Variants in ZBTB20 observed in about 807,000 individuals in gnomAD.
ZBTB20 encodes zinc finger and BTB domain-containing protein 20.
A neutral mutation model predicts 56.9 loss-of-function variants in ZBTB20; 9 were observed. The observed-to-expected ratio is 0.16, with a 90% CI of 0.10 to 0.28. The LOEUF (loss-of-function observed/expected upper bound fraction) is 0.28, where lower values mean the gene tolerates loss of function less well. ZBTB20 is among the 10% of genes least tolerant of loss of function. ZBTB20 has a pLI of 1.00. For missense variants in ZBTB20, 655 were observed against 1,003.0 expected (o/e 0.65, Z 4.69); for synonymous variants, 417 against 420.7 (o/e 0.99, Z 0.11).
intron 2 of ZBTB20, among the ~76,000 whole-genome samples, chr3:115,062,876 A>T (rs1261925420): frequency 2.0e-5 from 3 of 152,210 alleles, no homozygotes; most frequent in African/African-American, 4.8e-5. Flanking sequence ...TTAAGTATTT[A>T]AAAACTACTT....
intron 4 of ZBTB20, among the ~76,000 whole-genome samples, chr3:114,896,037 G>C (rs1329421950): frequency 6.6e-6 from 1 of 152,108 alleles, no homozygotes; most frequent in Non-Finnish European, 1.5e-5. Context: ...ATTTATTTAA[G>C]GAATTCACAG....
At chr3:114,663,119 T>C (rs1182437320) in intron 6 of ZBTB20, among the ~76,000 whole-genome samples, 2 of 147,574 alleles carry the variant, frequency 1.4e-5, no homozygotes, top group Non-Finnish European at 3.0e-5. Context: ...AAGGAAAAAA[T>C]GTTAAGGGCA....
chr3:114,797,058 T>C (rs1218399323), intron 5 of ZBTB20, among the ~76,000 whole-genome samples: 4 of 151,850 alleles, frequency 2.6e-5, no homozygotes, highest in Non-Finnish European at 5.9e-5. Flanking sequence ...CATTTTCTCA[T>C]ATATAAGGAA....
Position 114,509,915 on chromosome 3 carries a change from G to A in ZBTB20, c.-294-9524C>T, listed in dbSNP as rs2045137979. ...TATTAATGATCCAGGGATCGAGGAT[G>A]TTTTCTATCTGCTCCTTAACCTCCC... On this transcript the variant is annotated intron_variant, in intron 6 of 11. Coordinates refer to ENST00000675478, the MANE Select transcript of ZBTB20 (RefSeq NM_001348800.3). Among the ~76,000 whole-genome samples the A allele has an allele frequency of 2.6e-5, 4 of 152,094 alleles. No homozygotes were observed. The South Asian group carries it at 8.3e-4, about 32-fold the overall frequency.
chr3:114,713,905 A>G (rs1435204352), intron 5 of ZBTB20: 2 of 152,598 alleles, frequency 1.3e-5, no homozygotes, highest in Non-Finnish European at 2.9e-5. Context: ...CATTTGTAAT[A>G]TTTATGCCTC....
intron 6 of ZBTB20, among the ~76,000 whole-genome samples, chr3:114,613,436 C>T (rs1162865181): frequency 2.0e-5 from 3 of 152,078 alleles, no homozygotes; most frequent in Non-Finnish European, 4.4e-5. Context: ...ATCTATAGAC[C>T]TAAACCAGTG....
intron 3 of ZBTB20, among the ~76,000 whole-genome samples, chr3:114,918,409 T>C (rs567887140): frequency 6.6e-6 from 1 of 151,924 alleles, no homozygotes; most frequent in Admixed American, 6.6e-5. Flanking sequence ...TTCTCTCCCA[T>C]CTGTTTTTCT....
At chr3:114,455,956 A>T (rs889161807) in intron 7 of ZBTB20, among the ~76,000 whole-genome samples, 1 of 152,002 alleles carries the variant, frequency 6.6e-6, no homozygotes, top group African/African-American at 2.4e-5. Context: ...TCGACACTAG[A>T]CACTAGGACT....
chr3:114,645,210 A>ATCTTTTGT (rs1454436295), intron 6 of ZBTB20, among the ~76,000 whole-genome samples: 4 of 152,156 alleles, frequency 2.6e-5, no homozygotes, highest in African/African-American at 9.7e-5. Context: ...ACAAAAGATC[A>ATCTTTTGT]TCTTTTGTTT....
At chr3:114,424,968 T>C (rs1359913012) in intron 7 of ZBTB20, among the ~76,000 whole-genome samples, 1 of 152,168 alleles carries the variant, frequency 6.6e-6, no homozygotes, top group East Asian at 1.9e-4. Flanking sequence ...CAATTTTAAT[T>C]ATTTTAATTT....
chr3:114,808,667 C>A (rs2072297786), intron 4 of ZBTB20, among the ~76,000 whole-genome samples: 1 of 151,860 alleles, frequency 6.6e-6, no homozygotes, highest in South Asian at 2.1e-4. Flanking sequence ...TTTTCATTAT[C>A]TATTTCATTG....
chr3:114,506,456 A>T (rs1343129747), intron 6 of ZBTB20, among the ~76,000 whole-genome samples: 1 of 152,088 alleles, frequency 6.6e-6, no homozygotes. Context: ...AATGAAATGA[A>T]AGCAGTAGTG....
intron 5 of ZBTB20, among the ~76,000 whole-genome samples, chr3:114,727,425 A>G (rs962674308): frequency 6.6e-6 from 1 of 152,208 alleles, no homozygotes; most frequent in Non-Finnish European, 1.5e-5. Flanking sequence ...TCTTTTCTTC[A>G]AAAGGCAGTC....
At chr3:114,814,543 A>G (rs1430913086) in intron 4 of ZBTB20, among the ~76,000 whole-genome samples, 1 of 152,160 alleles carries the variant, frequency 6.6e-6, no homozygotes, top group East Asian at 1.9e-4. Context: ...AGCTATTCAA[A>G]TCAGAATAGC....
intron 6 of ZBTB20, among the ~76,000 whole-genome samples, chr3:114,501,614 A>G (rs2043974867): frequency 6.8e-6 from 1 of 147,990 alleles, no homozygotes; most frequent in Admixed American, 6.7e-5. Flanking sequence ...TGACAAGAGC[A>G]AAACTCCGTC....
At chr3:114,668,950 A>C (rs2061207681) in intron 6 of ZBTB20, among the ~76,000 whole-genome samples, 1 of 151,996 alleles carries the variant, frequency 6.6e-6, no homozygotes, top group Non-Finnish European at 1.5e-5. Flanking sequence ...ATTTTTCTAT[A>C]CTCCATTATA....
chr3:114,513,332 C>T (rs1390252071), intron 6 of ZBTB20, among the ~76,000 whole-genome samples: 6 of 152,148 alleles, frequency 3.9e-5, no homozygotes, highest in Admixed American at 1.3e-4. Context: ...TCTAAAAATG[C>T]AGTTTTTGTA....
At chr3:114,829,822 A>C (rs1010245161) in intron 4 of ZBTB20, among the ~76,000 whole-genome samples, 1 of 151,844 alleles carries the variant, frequency 6.6e-6, no homozygotes, top group Non-Finnish European at 1.5e-5. Context: ...TTTCTACTGC[A>C]AAGGTTTCCA....
intron 4 of ZBTB20, among the ~76,000 whole-genome samples, chr3:114,811,103 T>C (rs1274944533): frequency 6.6e-6 from 1 of 152,210 alleles, no homozygotes; most frequent in Non-Finnish European, 1.5e-5. Flanking sequence ...TAACCTATTC[T>C]AAGCAATTGT....
Sources: allele counts gnomAD v4.1 joint callset (sites outside exome capture counted in the v4.1 genomes callset), GRCh38; gene constraint gnomAD v4.1.1; transcripts MANE v1.5; gene names NCBI Gene and HGNC (gene_info 2026-07-23, HGNC 2026-07-21).